Variants in NMT2 observed in about 807,000 individuals in gnomAD.
The protein encoded by NMT2 is glycylpeptide N-tetradecanoyltransferase 2.
In NMT2, 35 loss-of-function variants were observed where a neutral mutation model predicts 65.4. The ratio of observed to expected loss-of-function variants is 0.54; its 90% CI spans 0.41 to 0.71. NMT2 has a LOEUF of 0.71. Ranked by LOEUF, NMT2 falls within the 30% of genes least tolerant of loss-of-function variation. The pLI, the probability that NMT2 is intolerant of heterozygous loss-of-function variation, is 0.00. For synonymous variants in NMT2, 226 were observed against 231.8 expected, an observed-to-expected ratio of 0.98 and a Z score of 0.23; for missense variants, 489 against 611.3, an observed-to-expected ratio of 0.80 and a Z score of 2.11.
intron 9 of NMT2, 63 bp downstream of exon 9, chr10:15,119,280 G>T (rs959487487): frequency 1.4e-6 from 2 of 1,442,610 alleles, no homozygotes; most frequent in Admixed American, 3.6e-5. Context: ...AAATAATTCT[G>T]CTGCACGCTG....
intron 1 of NMT2, among the ~76,000 whole-genome samples, chr10:15,156,196 A>T (rs1312839245): frequency 1.3e-5 from 2 of 152,116 alleles, no homozygotes; most frequent in East Asian, 3.9e-4. Context: ...AGGGACCTGG[A>T]GGGAAGTAAC....
chr10:15,115,719 A>G (rs372379028), intron 9 of NMT2, among the ~76,000 whole-genome samples: 43 of 152,348 alleles, frequency 2.8e-4, no homozygotes, highest in African/African-American at 9.6e-4. Flanking sequence ...TTCAAATTCA[A>G]TAACATCAAT....
chr10:15,135,920 AAG>A (rs1385260916), intron 2 of NMT2, among the ~76,000 whole-genome samples: 1 of 151,006 alleles, frequency 6.6e-6, no homozygotes, highest in East Asian at 2.0e-4. Flanking sequence ...AAGAAAGAGA[AAG>A]AGAGAGAGAA....
intron 1 of NMT2, among the ~76,000 whole-genome samples, chr10:15,158,885 C>T (rs139299204): frequency 6.2e-4 from 95 of 152,200 alleles, no homozygotes; most frequent in East Asian, 1.4e-3. Flanking sequence ...TACACTGATC[C>T]GATTCATGGG....
chr10:15,128,278 C>CA, intron 8 of NMT2, 72 bp downstream of exon 8: 2 of 889,120 alleles, frequency 2.2e-6, no homozygotes, highest in Non-Finnish European at 3.7e-6. Context: ...TAGACTCCTG[C>CA]AAATAATTCT....
chr10:15,159,213 C>G (rs1833104188), intron 1 of NMT2, among the ~76,000 whole-genome samples: 1 of 152,130 alleles, frequency 6.6e-6, no homozygotes. Flanking sequence ...TCTGGAGAAT[C>G]TGAACTAAGG....
intron 8 of NMT2, among the ~76,000 whole-genome samples, chr10:15,121,437 G>C (rs1225288874): frequency 6.6e-6 from 1 of 152,124 alleles, no homozygotes; most frequent in Non-Finnish European, 1.5e-5. Flanking sequence ...GTGCGATCTC[G>C]GTTCACTGCA....
chr10:15,112,644 A>T, intron 10 of NMT2, 152 bp downstream of exon 10: 1 of 696,510 alleles, frequency 1.4e-6, no homozygotes, highest in Non-Finnish European at 2.2e-6. Flanking sequence ...AGAAACTCTT[A>T]TCAAAATTCT....
At chr10:15,115,777 A>C (rs1357478728) in intron 9 of NMT2, among the ~76,000 whole-genome samples, 1 of 152,224 alleles carries the variant, frequency 6.6e-6, no homozygotes, top group Non-Finnish European at 1.5e-5. Context: ...TTTTAAAAGC[A>C]GGTCTGGTCA....
Position 15,121,763 on chromosome 10 carries a change from C to A in NMT2, c.1000-2250G>T, listed in dbSNP as rs191861543. Among the ~76,000 whole-genome samples the A allele has an allele frequency of 3.5e-3, 533 of 152,192 alleles. 3 individuals carry two copies. The highest frequency in any genetic ancestry group is 5.9e-3 in the Non-Finnish European group (404 of 68,018). ...GTGACACACAGTGCTGATTGATTAT[C>A]GATTAGCTGGGGGAAAGGGGAATGG... is the stretch of plus-strand genomic sequence containing the variant. On this transcript the variant is annotated intron_variant, in intron 8 of 11. Transcript: ENST00000378165.
chr10:15,142,752 A>G (rs1846820737), intron 1 of NMT2, among the ~76,000 whole-genome samples: 2 of 152,200 alleles, frequency 1.3e-5, no homozygotes, highest in Non-Finnish European at 2.9e-5. Context: ...TGCTATCATG[A>G]TGTTTATATT....
At position 15,125,512 on chromosome 10, in the gene NMT2, G is replaced by C. The variant is rs547097249; in HGVS notation, c.999+2838C>G. ...TCCATTGTAGGCAACCTACATGTAAGTGTGTCTTTTCCTTGTACATAAGCT... is the reference window on the plus strand; with the variant it reads ...TCCATTGTAGGCAACCTACATGTAACTGTGTCTTTTCCTTGTACATAAGCT... On this transcript the variant is annotated intron_variant, in intron 8 of 11. Transcript: ENST00000378165. Among the ~76,000 whole-genome samples the C allele has an allele frequency of 2.8e-3, 422 of 152,310 alleles. 1 individual carries two copies. Among genetic ancestry groups the C allele is most frequent in the African/African-American group, 9.5e-3 (394 of 41,568 alleles).
chr10:15,168,460 TC>T, intron 1 of NMT2, 42 bp downstream of exon 1: 2 of 1,471,012 alleles, frequency 1.4e-6, no homozygotes, highest in Non-Finnish European at 9.3e-7. Flanking sequence ...GCGCGCGCGG[TC>T]CCCGCCCTGT....
rs556480400 is a variant in NMT2 at position 15,152,278 on chromosome 10, C to T, written c.111-10721G>A. 3.3e-5 allele frequency among the ~76,000 whole-genome samples: 5 copies of T among 152,278 alleles called. No individual in the cohort carries two copies. In the South Asian group the frequency reaches 1.0e-3, roughly 32 times the overall value. Reference sequence around the variant, plus strand: ...TCAAACACAAAAGGAAATGCACCTCCCAGATTCAAAAGGGAGCCAGAGGTC... The same window carrying T: ...TCAAACACAAAAGGAAATGCACCTCTCAGATTCAAAAGGGAGCCAGAGGTC... On this transcript the variant is annotated intron_variant, in intron 1 of 11. Transcript: ENST00000378165.
intron 1 of NMT2, chr10:15,155,290 C>A: frequency 7.2e-7 from 1 of 1,385,016 alleles, no homozygotes; most frequent in Non-Finnish European, 1.0e-6. Flanking sequence ...CTGTTGATGG[C>A]GATGTTGAAG....
intron 6 of NMT2, 105 bp downstream of exon 6, chr10:15,132,712 G>T: frequency 1.3e-6 from 1 of 769,060 alleles, no homozygotes. Context: ...AGAGGTGTGA[G>T]CCACTGCGCT....
intron 6 of NMT2, 69 bp downstream of exon 6, chr10:15,132,748 G>T: frequency 8.4e-7 from 1 of 1,185,332 alleles, no homozygotes. Flanking sequence ...AACTTTTAAA[G>T]GCCTAATCTA....
chr10:15,111,309 G>A (rs980768674), intron 10 of NMT2, among the ~76,000 whole-genome samples: 10 of 151,394 alleles, frequency 6.6e-5, no homozygotes, highest in Non-Finnish European at 1.5e-4. Context: ...TCAGGAGTTC[G>A]AGACCAGCCG....
intron 9 of NMT2, among the ~76,000 whole-genome samples, chr10:15,114,934 G>A (rs1845695866): frequency 2.6e-5 from 4 of 152,056 alleles, no homozygotes; most frequent in Non-Finnish European, 4.4e-5. Flanking sequence ...CCCAAGAGGC[G>A]GAGGTTGCAG....
Sources: allele counts gnomAD v4.1 joint callset (sites outside exome capture counted in the v4.1 genomes callset), GRCh38; gene constraint gnomAD v4.1.1; transcripts MANE v1.5; gene names NCBI Gene and HGNC (gene_info 2026-07-23, HGNC 2026-07-21).